The following GK variants were observed in gnomAD, a reference collection of about 807,000 sequenced individuals.
The protein encoded by GK is glycerol kinase, also known as ATP:glycerol 3-phosphotransferase.
Under a neutral mutation model 56.4 loss-of-function variants are expected in GK, and 9 were observed. That is an observed-to-expected ratio of 0.16 (90% CI 0.10 to 0.28). The LOEUF (loss-of-function observed/expected upper bound fraction) is 0.28, where lower values mean the gene tolerates loss of function less well. Among genes scored for constraint, GK ranks in the 10% least tolerant of loss-of-function variants. The pLI is 1.00. For missense variants in GK, 161 were observed against 431.4 expected (o/e 0.37, Z 5.55); for synonymous variants, 104 against 144.1 (o/e 0.72, Z 1.99).
At chrX:30,721,376 C>T (rs981930903) in intron 18 of GK, among the ~76,000 whole-genome samples, 1 of 108,163 alleles carries the variant, frequency 9.2e-6, no homozygotes, top group Admixed American at 9.8e-5. Context: ...ACTGCAAGCT[C>T]CGCCTCCCGG....
intron 4 of GK, among the ~76,000 whole-genome samples, chrX:30,680,083 A>G (rs1934196088): frequency 1.8e-5 from 2 of 111,885 alleles, no homozygotes; most frequent in Non-Finnish European, 3.8e-5. Flanking sequence ...AATAATGTGA[A>G]CAAGCTATGA....
intron 9 of GK, among the ~76,000 whole-genome samples, chrX:30,699,324 A>G (rs1343457545): frequency 9.8e-6 from 1 of 101,815 alleles, no homozygotes; most frequent in Non-Finnish European, 2.0e-5. Context: ...CATGTTATAT[A>G]TATATATACA....
chrX:30,682,440 A>C (rs1296657137), intron 4 of GK, among the ~76,000 whole-genome samples: 1 of 111,868 alleles, frequency 8.9e-6, no homozygotes, highest in East Asian at 2.8e-4. Context: ...AGAAGTTTGG[A>C]AGCTAGAAGG....
intron 13 of GK, among the ~76,000 whole-genome samples, chrX:30,711,461 G>A (rs768377380): frequency 2.7e-5 from 3 of 111,445 alleles, no homozygotes; most frequent in South Asian, 7.5e-4. Flanking sequence ...TTGGATCCAA[G>A]TCTGTCTTCA....
intron 4 of GK, among the ~76,000 whole-genome samples, chrX:30,684,012 C>CT (rs1169100040): frequency 1.8e-5 from 2 of 111,679 alleles, no homozygotes; most frequent in African/African-American, 3.3e-5. Flanking sequence ...TTTTCTAAGC[C>CT]TTTTCCTTCC....
At chrX:30,699,823 C>A (rs778825086) in intron 9 of GK, among the ~76,000 whole-genome samples, 1 of 111,521 alleles carries the variant, frequency 9.0e-6, no homozygotes, top group Non-Finnish European at 1.9e-5. Flanking sequence ...AAAATAAAAA[C>A]CAGTATTTAT....
chrX:30,673,195 A>T (rs781630507), intron 3 of GK, among the ~76,000 whole-genome samples: 121 of 112,277 alleles, frequency 1.1e-3, no homozygotes, highest in Non-Finnish European at 1.8e-3. Flanking sequence ...CAAAGAGAAT[A>T]TGTGGGTAAA....
At chrX:30,695,155 T>C in intron 6 of GK, 3 of 855,377 alleles carry the variant, frequency 3.5e-6, no homozygotes, top group Non-Finnish European at 4.6e-6. Context: ...TGATCTTTTT[T>C]AACATTCAAG....
At position 30,719,490 on chromosome X, in the gene GK, C is replaced by T; in HGVS notation, c.1126C>T (p.Pro376Ser). 8.5e-7 allele frequency: 1 copy of T among 1,174,925 alleles called. No individual in the cohort carries two copies. The highest frequency in any genetic ancestry group is 1.2e-6 in the Non-Finnish European group (1 of 862,534). ...FVPAFSGLYA[P>S]YWEPSARGII... The stretch of plus-strand genomic sequence containing the variant: ...CCCAGCATTTTCGGGGTTATATGCA[C>T]CTTATTGGGAGCCCAGCGCAAGAGG... Residue 376 changes from proline to serine, a missense_variant, in exon 15 of 21, where the codon CCT (proline) becomes TCT (serine). By Grantham distance (74) the Pro-to-Ser change is moderately conservative (BLOSUM62 -1). Coordinates refer to ENST00000427190, the MANE Select transcript of GK (RefSeq NM_001205019.2).
At chrX:30,659,278 C>T (rs771544068) in intron 1 of GK, among the ~76,000 whole-genome samples, 1 of 112,337 alleles carries the variant, frequency 8.9e-6, no homozygotes, top group African/African-American at 3.2e-5. Context: ...GGTGATCTAC[C>T]CGCCTCGGCC....
intron 1 of GK, among the ~76,000 whole-genome samples, chrX:30,661,448 G>A (rs1049628656): frequency 5.4e-5 from 6 of 110,526 alleles, no homozygotes; most frequent in African/African-American, 2.0e-4. Context: ...GTTTCACCTG[G>A]ACTGCAGACA....
chrX:30,712,402 C>T (rs1936366555), intron 13 of GK, among the ~76,000 whole-genome samples: 1 of 111,578 alleles, frequency 9.0e-6, no homozygotes, highest in Non-Finnish European at 1.9e-5. Context: ...AGTTACACTC[C>T]TACCAGCAAT....
At chrX:30,681,053 ATC>A (rs2147173631) in intron 4 of GK, among the ~76,000 whole-genome samples, 2 of 111,824 alleles carry the variant, frequency 1.8e-5, no homozygotes, top group East Asian at 5.6e-4. Context: ...GCCTCAAATA[ATC>A]TCTAGAATTT....
intron 13 of GK, among the ~76,000 whole-genome samples, chrX:30,712,427 G>A (rs1569170668): frequency 9.0e-6 from 1 of 111,321 alleles, no homozygotes; most frequent in Admixed American, 9.5e-5. Context: ...GGGAATGCTA[G>A]TTTACTCATC....
chrX:30,658,651 A>G (rs1932490846), intron 1 of GK, among the ~76,000 whole-genome samples: 1 of 111,765 alleles, frequency 8.9e-6, no homozygotes, highest in East Asian at 2.8e-4. Context: ...TTCTTTCTCC[A>G]CTACATTTGC....
chrX:30,718,646 A>G (rs1351220132), intron 14 of GK, 30 bp downstream of exon 14: 2 of 889,285 alleles, frequency 2.2e-6, no homozygotes, highest in East Asian at 3.1e-5. Flanking sequence ...AGGTTAGAAA[A>G]TCTGAAAAAT....
intron 9 of GK, 145 bp downstream of exon 9, chrX:30,697,894 G>C: frequency 2.0e-6 from 1 of 503,184 alleles, no homozygotes; most frequent in Non-Finnish European, 3.6e-6. Context: ...ATAAGCTCTA[G>C]TCAGATTTTA....
rs764956192 is a variant in GK at position 30,723,606 on chromosome X, C to G, written c.1502-495C>G. 1.7e-4 allele frequency: 25 copies of G among 147,499 alleles called. No individual in the cohort carries two copies. In the South Asian group the frequency reaches 3.0e-3, roughly 18 times the overall value. The allele number at this position is 147,499 out of a possible 1,213,427, so 12.2% of individuals were successfully genotyped here. ...CTTTACCCTGCTGAATTTCCCCTAT[C>G]CTGTTTTTGTTTGTTTGTTTGTTTG... On this transcript the variant is annotated intron_variant, in intron 18 of 20. Coordinates refer to ENST00000427190, the MANE Select transcript of GK (RefSeq NM_001205019.2).
intron 3 of GK, 43 bp downstream of exon 3, chrX:30,668,161 A>G: frequency 1.4e-6 from 1 of 691,639 alleles, no homozygotes; most frequent in Non-Finnish European, 2.4e-6. Flanking sequence ...AGACTCTCTC[A>G]ATCAAATTCA....
Sources: allele counts gnomAD v4.1 joint callset (sites outside exome capture counted in the v4.1 genomes callset), GRCh38; gene constraint gnomAD v4.1.1; transcripts MANE v1.5; gene names NCBI Gene and HGNC (gene_info 2026-07-23, HGNC 2026-07-21).